The following SEPHS1 variants were observed in gnomAD, a reference collection of about 807,000 sequenced individuals.
SEPHS1 encodes zincore component SEPHS1.
Under a neutral mutation model 39.2 loss-of-function variants are expected in SEPHS1, and 7 were observed. That is an observed-to-expected ratio of 0.18 (90% confidence interval 0.10 to 0.34). SEPHS1 has a LOEUF of 0.34. Among genes scored for constraint, SEPHS1 ranks in the 10% least tolerant of loss-of-function variants. SEPHS1 has a pLI of 1.00. For synonymous variants in SEPHS1, 190 were observed against 195.5 expected, an observed-to-expected ratio of 0.97 and a Z score of 0.23; for missense variants, 253 against 514.5, an observed-to-expected ratio of 0.49 and a Z score of 4.92.
rs960415904 is a variant in SEPHS1 at position 13,348,206 on chromosome 10, G to C, written c.-285C>G. On this transcript the variant is annotated 5_prime_UTR_variant, in exon 1 of 9. Coordinates refer to ENST00000327347, the MANE Select transcript of SEPHS1 (RefSeq NM_012247.5). ...GCGGCCCTGCGGGAGCCGGGCCGCC[G>C]CGCTCCCGCCGGCTGGGCGCGCGGG... The C allele has an allele frequency of 1.4e-5, 2 of 145,454 alleles. No homozygotes were observed. Among genetic ancestry groups the C allele is most frequent in the African/African-American group, 4.9e-5 (2 of 40,420 alleles). 9.0% of individuals were successfully genotyped at this position (145,454 alleles called of 1,614,324 possible).
chr10:13,345,224 T>C (rs375469736), intron 1 of SEPHS1, 196 bp from the exon 2 acceptor site: 1 of 275,204 alleles, frequency 3.6e-6, no homozygotes, highest in Non-Finnish European at 6.7e-6. Flanking sequence ...CAGACATCTA[T>C]GTAAAATCTG....
intron 7 of SEPHS1, among the ~76,000 whole-genome samples, chr10:13,327,092 G>A (rs1057442957): frequency 7.3e-5 from 11 of 151,632 alleles, no homozygotes; most frequent in Non-Finnish European, 1.2e-4. Flanking sequence ...ACAAAAATCC[G>A]CCGGGCATGG....
Position 13,323,023 on chromosome 10 carries a change from T to C in SEPHS1, c.776A>G (p.Asn259Ser), listed in dbSNP as rs777553816. ...CGTGATGTCAGTGGCGGCGTGGGCATTGAACGTGTGCATGAGTCCTGCAGC... is the reference window on the plus strand; with the variant it reads ...CGTGATGTCAGTGGCGGCGTGGGCACTGAACGTGTGCATGAGTCCTGCAGC... ...RTAAGLMHTFNAHAATDITGF... is the reference protein window; with the variant it reads ...RTAAGLMHTFSAHAATDITGF... Residue 259 changes from asparagine (N) to serine (S), a missense_variant, in exon 8 of 9, where the codon AAT becomes AGT. Transcript: ENST00000327347. The C allele has an allele frequency of 1.9e-6, 3 of 1,614,000 alleles. No individual in the cohort carries two copies. Among genetic ancestry groups the C allele is most frequent in the Non-Finnish European group, 1.7e-6 (2 of 1,179,992 alleles).
At chr10:13,340,584 A>T (rs1427445812) in intron 2 of SEPHS1, 2 of 152,238 alleles carry the variant, frequency 1.3e-5, no homozygotes, top group Non-Finnish European at 2.9e-5. Context: ...GTTTTCTTTC[A>T]GGCTTCCATT....
At position 13,344,868 on chromosome 10, in the gene SEPHS1, C is replaced by T. The variant is rs2130701744; in HGVS notation, c.83G>A (p.Gly28Asp). ...ATCTTGGGGCACTTTGCAGCCTGTG[C>T]CCTTCAGTTCAGTGAATCTGGTTAG... The part of the protein sequence containing the change: ...FRLTRFTELK[G>D]TGCKVPQDVL... The change falls in exon 2 of 9, where the codon GGC becomes GAC. Residue 28 changes from glycine to aspartate, a missense_variant. Physicochemically the swap from Gly to Asp is moderately conservative, Grantham distance 94 (BLOSUM62 -1). Around this residue, in one of 4 missense-constraint regions of SEPHS1, gnomAD observed 123 missense variants for 196.8 expected, o/e 0.62. Coordinates refer to ENST00000327347, the MANE Select transcript of SEPHS1 (RefSeq NM_012247.5). 6.2e-7 allele frequency: 1 copy of T among 1,606,970 alleles called. No homozygotes were observed. Among genetic ancestry groups the T allele is most frequent in the Non-Finnish European group, 8.5e-7 (1 of 1,176,500 alleles).
In SEPHS1 at chr10:13,319,073, T is replaced by A; in HGVS notation, c.*69A>T. On this transcript the variant is annotated 3_prime_UTR_variant, in exon 9 of 9. Coordinates refer to ENST00000327347, the MANE Select transcript of SEPHS1 (RefSeq NM_012247.5). ...ACAATGAGATTTTTGTTGTTTATAGTCTTTAATTGAAGTGATAAGGGAAAT... is the reference window on the plus strand; with the variant it reads ...ACAATGAGATTTTTGTTGTTTATAGACTTTAATTGAAGTGATAAGGGAAAT... 3 of 1,488,430 alleles carry A rather than the reference T, an allele frequency of 2.0e-6. No individual in the cohort carries two copies. The highest frequency in any genetic ancestry group is 2.8e-6 in the Non-Finnish European group (3 of 1,076,346). The allele number at this position is 1,488,430 out of a possible 1,614,324, so 92.2% of individuals were successfully genotyped here.
chr10:13,322,726 A>G (rs1833152087), intron 8 of SEPHS1, 109 bp downstream of exon 8: 10 of 1,012,894 alleles, frequency 9.9e-6, no homozygotes, highest in Non-Finnish European at 1.2e-5. Flanking sequence ...GGTCAGCAGC[A>G]TGGAACTCGA....
chr10:13,330,029 T>C (rs1833419214), intron 5 of SEPHS1, among the ~76,000 whole-genome samples: 1 of 152,144 alleles, frequency 6.6e-6, no homozygotes, highest in South Asian at 2.1e-4. Flanking sequence ...CCCCAGCACT[T>C]TGAGAGGTCA....
At chr10:13,325,895 CAAAAAAAAAAAAAAAAAAAAAAAAA>C (rs562038894) in intron 7 of SEPHS1, among the ~76,000 whole-genome samples, 751 of 26,460 alleles carry the variant, frequency 0.028, 10 homozygotes, top group Non-Finnish European at 0.037. Flanking sequence ...GACTCCGTCT[CAAAAAAAAAAAAAAAAAAAAAAAAA>C]AAAAAAAAAA....
rs374648215 is a variant in SEPHS1, at chr10:13,329,656, G to A, written c.651+42C>T. 24 of 1,448,318 alleles carry A rather than the reference G, an allele frequency of 1.7e-5. No individual in the cohort carries two copies. In the African/African-American group the frequency reaches 2.4e-4, roughly 14 times the overall value. 89.7% of individuals were successfully genotyped at this position (1,448,318 alleles called of 1,614,324 possible). On this transcript the variant is annotated intron_variant, in intron 6 of 8. Transcript: ENST00000327347. Reference sequence around the variant, plus strand: ...CCTCCAACAAAAATTACCTGCAAACGTACCATTCCCCTCCCTCCCATCACA... The same window carrying A: ...CCTCCAACAAAAATTACCTGCAAACATACCATTCCCCTCCCTCCCATCACA...
At chr10:13,340,108 G>GT (rs1406231369) in intron 2 of SEPHS1, among the ~76,000 whole-genome samples, 1 of 152,030 alleles carries the variant, frequency 6.6e-6, no homozygotes, top group African/African-American at 2.4e-5. Context: ...AATATTCTGC[G>GT]TAAGTGAAAG....
chr10:13,335,822 A>C (rs1833611613), intron 4 of SEPHS1, among the ~76,000 whole-genome samples: 1 of 150,990 alleles, frequency 6.6e-6, no homozygotes. Context: ...TCTAATAAAA[A>C]TACACAAAAT....
chr10:13,343,800 T>A (rs1833858302), intron 2 of SEPHS1, among the ~76,000 whole-genome samples: 1 of 151,172 alleles, frequency 6.6e-6, no homozygotes, highest in Admixed American at 6.6e-5. Flanking sequence ...GGTGACAGAG[T>A]GAGAATCCAT....
intron 7 of SEPHS1, among the ~76,000 whole-genome samples, chr10:13,323,327 G>A (rs1833169367): frequency 6.6e-6 from 1 of 152,054 alleles, no homozygotes. Flanking sequence ...AGGTAAACCG[G>A]CCAAGACCAT....
chr10:13,339,125 C>T lies in SEPHS1; in HGVS notation c.194-317G>A, dbSNP rs913677314. Among the ~76,000 whole-genome samples the T allele has an allele frequency of 3.9e-5, 6 of 152,226 alleles. No individual in the cohort carries two copies. In the South Asian group the frequency reaches 6.2e-4, roughly 16 times the overall value. Reference sequence around the variant, plus strand: ...TTATTATTTTACTGTATTACTGTAGCGTGTGACTGGTACCGTATACAATTT... The same window carrying T: ...TTATTATTTTACTGTATTACTGTAGTGTGTGACTGGTACCGTATACAATTT... On this transcript the variant is annotated intron_variant, in intron 2 of 8. Coordinates refer to ENST00000327347, the MANE Select transcript of SEPHS1 (RefSeq NM_012247.5).
rs369311909 is a variant in SEPHS1 at position 13,336,367 on chromosome 10, A to G, written c.298-17T>C. ...TATCCTGCCCTGGGAAGAGAGGGAA[A>G]CATGAGAAAGGACGACCGGGGACTT... On this transcript the variant is annotated splice_polypyrimidine_tract_variant and intron_variant, in intron 3 of 8. Coordinates refer to ENST00000327347, the MANE Select transcript of SEPHS1 (RefSeq NM_012247.5). 3 of 1,592,238 alleles carry G rather than the reference A, an allele frequency of 1.9e-6. No homozygotes were observed. Among genetic ancestry groups the G allele is most frequent in the Non-Finnish European group, 2.6e-6 (3 of 1,160,478 alleles).
rs2254157 is a variant in SEPHS1, at chr10:13,321,789, C to T, written c.964+1046G>A. On this transcript the variant is annotated intron_variant, in intron 8 of 8. Transcript: ENST00000327347. ...TGGCGAGCCTGTAGGCTGTGGGTGG[C>T]GGCCTCGGCGGCCGGCAGGCCATGC... Among the ~76,000 whole-genome samples the T allele has an allele frequency of 1.1e-3, 165 of 152,274 alleles. 1 individual carries two copies. Among genetic ancestry groups the T allele is most frequent in the South Asian group, 5.6e-3 (27 of 4,830 alleles).
At chr10:13,338,380 G>C (rs565257020) in intron 3 of SEPHS1, among the ~76,000 whole-genome samples, 1 of 152,224 alleles carries the variant, frequency 6.6e-6, no homozygotes, top group Admixed American at 6.5e-5. Context: ...AGAAGAGAAG[G>C]TGCAAGAAAG....
intron 4 of SEPHS1, among the ~76,000 whole-genome samples, chr10:13,335,316 T>C (rs550794261): frequency 6.6e-6 from 1 of 152,324 alleles, no homozygotes; most frequent in East Asian, 1.9e-4. Context: ...CCCACATCTG[T>C]AAGGCTGTGC....
Sources: allele counts gnomAD v4.1 joint callset (sites outside exome capture counted in the v4.1 genomes callset), GRCh38; gene constraint gnomAD v4.1.1; regional missense constraint gnomAD v4.1.1; transcripts MANE v1.5; gene names NCBI Gene and HGNC (gene_info 2026-07-23, HGNC 2026-07-21).